The following EHMT1 variants were observed in gnomAD, a reference collection of about 807,000 sequenced individuals.
EHMT1 encodes histone-lysine N-methyltransferase EHMT1.
EHMT1 carries 15 observed loss-of-function variants against 147.2 expected under a neutral mutation model. That is an observed-to-expected ratio of 0.10 (90% CI 0.07 to 0.16). EHMT1 has a LOEUF of 0.16. Ranked by LOEUF, EHMT1 falls within the 10% of genes least tolerant of loss-of-function variation. The pLI is 1.00. For synonymous variants in EHMT1, 795 were observed against 709.6 expected, an observed-to-expected ratio of 1.12 and a Z score of -1.91; for missense variants, 1,587 against 1,772.4, an observed-to-expected ratio of 0.90 and a Z score of 1.88.
intron 1 of EHMT1, among the ~76,000 whole-genome samples, chr9:137,681,536 C>T (rs910541948): frequency 5.3e-5 from 8 of 152,274 alleles, no homozygotes; most frequent in African/African-American, 1.9e-4. Flanking sequence ...TTCTCTCCAG[C>T]AATTCAGAAT....
intron 25 of EHMT1, among the ~76,000 whole-genome samples, chr9:137,821,391 A>T (rs1955413461): frequency 7.1e-6 from 1 of 141,466 alleles, no homozygotes; most frequent in South Asian, 2.2e-4. Context: ...GCAGTGGCAT[A>T]ATCATAGCTC....
At chr9:137,668,818 G>A (rs1028270765) in intron 1 of EHMT1, among the ~76,000 whole-genome samples, 2 of 152,026 alleles carry the variant, frequency 1.3e-5, no homozygotes, top group African/African-American at 4.8e-5. Flanking sequence ...TCATTTCTTC[G>A]GCTATCCCGG....
chr9:137,703,091 C>T (rs72766916), intron 1 of EHMT1, among the ~76,000 whole-genome samples: 15,345 of 152,244 alleles, frequency 0.1, 841 homozygotes, highest in Middle Eastern at 0.2. Context: ...TATCTGGGGC[C>T]GTTTCAGCCA....
chr9:137,675,932 C>T (rs1941251486), intron 1 of EHMT1, among the ~76,000 whole-genome samples: 2 of 149,990 alleles, frequency 1.3e-5, no homozygotes, highest in South Asian at 4.2e-4. Flanking sequence ...TACAGGCGCC[C>T]GCCACTACGC....
chr9:137,620,583 G>T (rs1199602038), intron 1 of EHMT1, among the ~76,000 whole-genome samples: 2 of 152,032 alleles, frequency 1.3e-5, no homozygotes, highest in Non-Finnish European at 2.9e-5. Context: ...GTAGAGACCG[G>T]GGTTTCACCA....
In EHMT1 at chr9:137,782,147, C is replaced by T; in HGVS notation, c.2276-144C>T. The T allele has an allele frequency of 1.4e-6, 1 of 713,736 alleles. No individual in the cohort carries two copies. Among genetic ancestry groups the T allele is most frequent in the East Asian group, 2.8e-5 (1 of 36,126 alleles). 44.2% of individuals were successfully genotyped at this position (713,736 alleles called of 1,614,324 possible). A position where few individuals can be genotyped will look rare whatever the true frequency, so the allele number is the denominator to read the frequency against. On this transcript the variant is annotated intron_variant, in intron 14 of 26. Transcript: ENST00000460843. This position sits in a 1 kb window ranked among gnomAD's most constrained non-coding sequence, Gnocchi z 5.7. ...CAAGTCTCAAGTCCAGAGGATGGTG[C>T]TGTGGGCGGGTTCCGGCGTGGCTCG...
intron 1 of EHMT1, among the ~76,000 whole-genome samples, chr9:137,701,005 G>C (rs539563118): frequency 7.4e-4 from 113 of 152,288 alleles, no homozygotes; most frequent in African/African-American, 2.6e-3. Context: ...CCTAGGAGAA[G>C]CAGGCATATT....
At chr9:137,736,859 C>A (rs999459320) in intron 4 of EHMT1, among the ~76,000 whole-genome samples, 1 of 152,006 alleles carries the variant, frequency 6.6e-6, no homozygotes, top group South Asian at 2.1e-4. Context: ...CCACTGCACT[C>A]CAGCCTGGGT....
chr9:137,831,678 G>T (rs1307666233), intron 25 of EHMT1, among the ~76,000 whole-genome samples: 1 of 152,242 alleles, frequency 6.6e-6, no homozygotes, highest in African/African-American at 2.4e-5. Flanking sequence ...ATACGTGTCT[G>T]TTGGCCCAGT....
At chr9:137,625,484 C>T (rs975269685) in intron 1 of EHMT1, among the ~76,000 whole-genome samples, 6 of 152,088 alleles carry the variant, frequency 3.9e-5, no homozygotes, top group South Asian at 4.2e-4. Context: ...ACTACAGGCA[C>T]GTGCTACCAT....
chr9:137,662,086 G>GC (rs1341207865), intron 1 of EHMT1, among the ~76,000 whole-genome samples: 1 of 152,216 alleles, frequency 6.6e-6, no homozygotes, highest in Non-Finnish European at 1.5e-5. Context: ...ACAGGCATGA[G>GC]CCACTGCGCC....
rs559265051 is a variant in EHMT1 at position 137,776,587 on chromosome 9, C to CA, written c.1792-26dup. The stretch of plus-strand genomic sequence containing the variant: ...TTCTAAATATTAACCCCAATTAAAA[C>CA]AAAAATTTTTTTTTGTCCTCCCATT... On this transcript the variant is annotated intron_variant, in intron 11 of 26. Coordinates refer to ENST00000460843, the MANE Select transcript of EHMT1 (RefSeq NM_024757.5). The surrounding 1 kb of genome is among the most constrained non-coding windows in gnomAD (Gnocchi z 4.4). The CA allele has an allele frequency of 4.3e-6, 7 of 1,612,218 alleles. No individual in the cohort carries two copies. Among genetic ancestry groups the CA allele is most frequent in the African/African-American group, 4.0e-5 (3 of 74,854 alleles).
chr9:137,722,296 C>T (rs944329450), intron 3 of EHMT1, among the ~76,000 whole-genome samples: 16 of 152,164 alleles, frequency 1.1e-4, no homozygotes, highest in Admixed American at 2.0e-4. Context: ...GACCATGAGG[C>T]TTATTTAAGT....
intron 1 of EHMT1, among the ~76,000 whole-genome samples, chr9:137,644,768 G>T (rs1170210431): frequency 6.6e-6 from 1 of 152,132 alleles, no homozygotes; most frequent in African/African-American, 2.4e-5. Flanking sequence ...AAAGCACCTT[G>T]TCTTTTGATG....
chr9:137,831,885 C>T (rs966110377), intron 25 of EHMT1, among the ~76,000 whole-genome samples: 16 of 152,318 alleles, frequency 1.1e-4, no homozygotes, highest in African/African-American at 3.8e-4. Context: ...TCTAGTGGTC[C>T]CTGTGCTTTC....
intron 1 of EHMT1, among the ~76,000 whole-genome samples, chr9:137,668,921 C>T (rs1163232974): frequency 6.6e-6 from 1 of 152,180 alleles, no homozygotes; most frequent in African/African-American, 2.4e-5. Context: ...GAGTCTCGCT[C>T]TGTCCCCCAG....
chr9:137,798,770 T>C lies in EHMT1; in HGVS notation c.2506-43T>C, dbSNP rs181945121. Reference sequence around the variant, plus strand: ...CGCACTCAGGGCTGGCACACCAGGATCACAGGTATGGATTCTTTGACTAAG... The same window carrying C: ...CGCACTCAGGGCTGGCACACCAGGACCACAGGTATGGATTCTTTGACTAAG... On this transcript the variant is annotated intron_variant, in intron 16 of 26. Coordinates refer to ENST00000460843, the MANE Select transcript of EHMT1 (RefSeq NM_024757.5). The C allele has an allele frequency of 1.8e-4, 277 of 1,521,816 alleles. 1 individual carries two copies. The highest frequency in any genetic ancestry group is 1.4e-3 in the African/African-American group (100 of 73,094). 94.3% of individuals were successfully genotyped at this position (1,521,816 alleles called of 1,614,324 possible).
chr9:137,825,768 G>GTA (rs922030755), intron 25 of EHMT1, among the ~76,000 whole-genome samples: 1 of 152,118 alleles, frequency 6.6e-6, no homozygotes, highest in African/African-American at 2.4e-5. Context: ...GTGTGTGTGT[G>GTA]CCCGTGTCAT....
At position 137,709,067 on chromosome 9, in the gene EHMT1, G is replaced by A. The variant is rs150770027; in HGVS notation, c.22-1900G>A. Among the ~76,000 whole-genome samples the A allele has an allele frequency of 1.8e-3, 280 of 152,288 alleles. 1 individual carries two copies. The highest frequency in any genetic ancestry group is 2.8e-3 in the Non-Finnish European group (193 of 68,016). ...GAGTTCAGTTGCTGGAGTACACTTCGGTGTCCTGACCTGGTCGATGCAAAG... is the reference window on the plus strand; with the variant it reads ...GAGTTCAGTTGCTGGAGTACACTTCAGTGTCCTGACCTGGTCGATGCAAAG... On this transcript the variant is annotated intron_variant, in intron 1 of 26. Transcript: ENST00000460843.
Sources: gnomAD v4.1 joint callset for allele counts (sites outside exome capture counted in the v4.1 genomes callset) on GRCh38, gnomAD v4.1.1 for gene constraint, Gnocchi (gnomAD v3.1) non-coding constraint, MANE v1.5 for transcripts, NCBI Gene and HGNC (gene_info 2026-07-23, HGNC 2026-07-21) for gene names.